Variants in ZNF609 observed in about 807,000 individuals in gnomAD.
ZNF609 encodes zinc finger protein 609.
ZNF609 carries 11 observed loss-of-function variants against 109.5 expected under a neutral mutation model. The observed-to-expected ratio is 0.10, with a 90% CI of 0.06 to 0.17. The LOEUF is 0.17. Among genes scored for constraint, ZNF609 ranks in the 10% least tolerant of loss-of-function variants. The probability of loss-of-function intolerance (pLI) is 1.00; values close to 1 mark genes in which losing one functional copy is unlikely to be tolerated. For synonymous variants in ZNF609, 646 were observed against 662.0 expected (o/e 0.98, Z 0.37); for missense variants, 1,559 against 1,772.4 (o/e 0.88, Z 2.16).
intron 3 of ZNF609, among the ~76,000 whole-genome samples, chr15:64,664,718 C>T (rs1372569794): frequency 6.6e-6 from 1 of 152,158 alleles, no homozygotes; most frequent in Non-Finnish European, 1.5e-5. Flanking sequence ...TTTAAACAAG[C>T]CTCCATTTTG....
At chr15:64,509,895 G>A (rs1893694131) in intron 2 of ZNF609, among the ~76,000 whole-genome samples, 1 of 152,228 alleles carries the variant, frequency 6.6e-6, no homozygotes, top group Non-Finnish European at 1.5e-5. Context: ...GAGGTAGCCA[G>A]AACAGTCAAG....
intron 2 of ZNF609, among the ~76,000 whole-genome samples, chr15:64,563,383 C>T (rs754325083): frequency 1.3e-5 from 2 of 149,616 alleles, no homozygotes; most frequent in Non-Finnish European, 3.0e-5. Context: ...CCCAGCAAAT[C>T]GAGGCTGCAG....
chr15:64,675,170 G>T lies in ZNF609; in HGVS notation c.2316G>T (p.Gly772=). The T allele has an allele frequency of 6.2e-7, 1 of 1,614,042 alleles. No homozygotes were observed. Among genetic ancestry groups the T allele is most frequent in the Non-Finnish European group, 8.5e-7 (1 of 1,180,004 alleles). Residue 772 remains glycine, a synonymous_variant, in exon 5 of 10, where the codon GGG becomes GGT. Coordinates refer to ENST00000326648, the MANE Select transcript of ZNF609 (RefSeq NM_015042.2). ...CAGGAGATGGGATGAAAATGGAGGG[G>T]CTCCTAAATGGCTCATCAGACCCCC... The part of the protein sequence containing the change: ...ESSGDGMKME[G]LLNGSSDPHQ...
intron 4 of ZNF609, among the ~76,000 whole-genome samples, chr15:64,672,967 A>C (rs1228622141): frequency 6.6e-6 from 1 of 151,878 alleles, no homozygotes; most frequent in East Asian, 1.9e-4. Context: ...CATCTCAAAA[A>C]AAAAAAAAAA....
chr15:64,681,228 TCAGCA>T, intron 8 of ZNF609, 76 bp from the exon 9 acceptor site: 1 of 1,330,638 alleles, frequency 7.5e-7, no homozygotes, highest in Admixed American at 1.9e-5. Context: ...TTTTTTTCTG[TCAGCA>T]CCCCAAAACT....
At chr15:64,602,235 C>G (rs768731133) in intron 2 of ZNF609, among the ~76,000 whole-genome samples, 3 of 152,104 alleles carry the variant, frequency 2.0e-5, no homozygotes, top group African/African-American at 4.8e-5. Context: ...AACTTCATTT[C>G]CCCTTGACTT....
intron 2 of ZNF609, among the ~76,000 whole-genome samples, chr15:64,566,670 A>T (rs1595720731): frequency 6.6e-6 from 1 of 152,200 alleles, no homozygotes; most frequent in Non-Finnish European, 1.5e-5. Context: ...TATAGAAGAG[A>T]TAGGGAAAGG....
chr15:64,592,923 CATAA>C (rs775886850), intron 2 of ZNF609: 5 of 796,112 alleles, frequency 6.3e-6, no homozygotes, highest in East Asian at 2.7e-5. Flanking sequence ...CAAAAAATTA[CATAA>C]ATAAATAAAA....
chr15:64,575,445 A>G (rs1206331663), intron 2 of ZNF609, among the ~76,000 whole-genome samples: 4 of 151,856 alleles, frequency 2.6e-5, no homozygotes, highest in African/African-American at 9.7e-5. Flanking sequence ...AGAAGAGGGG[A>G]AAACCAGAGG....
chr15:64,545,092 G>GT (rs1239075501), intron 2 of ZNF609, among the ~76,000 whole-genome samples: 1 of 152,212 alleles, frequency 6.6e-6, no homozygotes, highest in Non-Finnish European at 1.5e-5. Flanking sequence ...TGAAGCCGTT[G>GT]TGTCTCTCCT....
intron 2 of ZNF609, among the ~76,000 whole-genome samples, chr15:64,547,695 T>C (rs1894390027): frequency 6.6e-6 from 1 of 151,942 alleles, no homozygotes; most frequent in African/African-American, 2.4e-5. Flanking sequence ...TCCCCACCAG[T>C]GTACCAGGCA....
intron 2 of ZNF609, among the ~76,000 whole-genome samples, chr15:64,559,594 A>T (rs1014187917): frequency 1.4e-4 from 21 of 152,206 alleles, no homozygotes; most frequent in Non-Finnish European, 2.4e-4. Context: ...ATAATGACAT[A>T]GCCTTCTAGA....
chr15:64,625,261 T>C (rs549098232), intron 3 of ZNF609, among the ~76,000 whole-genome samples: 118 of 152,274 alleles, frequency 7.7e-4, no homozygotes, highest in African/African-American at 2.5e-3. Flanking sequence ...AGTAGTAGAC[T>C]GTCAAAAATA....
intron 2 of ZNF609, among the ~76,000 whole-genome samples, chr15:64,539,601 T>C (rs1369508998): frequency 1.3e-5 from 2 of 152,080 alleles, no homozygotes; most frequent in Admixed American, 6.6e-5. Context: ...ACTCCCCGGT[T>C]CAAGCGATTC....
Position 64,683,845 on chromosome 15 carries a change from A to G in ZNF609, c.*2159A>G, listed in dbSNP as rs1339477640. 2 of 152,208 alleles carry G rather than the reference A, an allele frequency of 1.3e-5. No individual in the cohort carries two copies. The highest frequency in any genetic ancestry group is 2.9e-5 in the Non-Finnish European group (2 of 68,036). 9.4% of individuals were successfully genotyped at this position (152,208 alleles called of 1,614,324 possible). A position where few individuals can be genotyped will look rare whatever the true frequency, so the allele number is the denominator to read the frequency against. ...ATATTGTAAAGAAACCGTTAGGAGT[A>G]ATTTTCTTTTGCATTGGGCAGGCAT... is the stretch of plus-strand genomic sequence containing the variant. On this transcript the variant is annotated 3_prime_UTR_variant, in exon 10 of 10. Coordinates refer to ENST00000326648, the MANE Select transcript of ZNF609 (RefSeq NM_015042.2).
chr15:64,531,446 C>T (rs1894059593), intron 2 of ZNF609, among the ~76,000 whole-genome samples: 1 of 152,156 alleles, frequency 6.6e-6, no homozygotes, highest in Admixed American at 6.5e-5. Flanking sequence ...ACCCAGGCTG[C>T]AGTGCAGTGG....
intron 2 of ZNF609, among the ~76,000 whole-genome samples, chr15:64,552,625 A>G (rs1488863977): frequency 6.6e-6 from 1 of 152,128 alleles, no homozygotes; most frequent in Non-Finnish European, 1.5e-5. Context: ...AAATGCTGGA[A>G]TTACATGCTT....
At chr15:64,538,533 G>C (rs938741921) in intron 2 of ZNF609, among the ~76,000 whole-genome samples, 3 of 151,880 alleles carry the variant, frequency 2.0e-5, no homozygotes, top group Non-Finnish European at 4.4e-5. Context: ...ATTTTTGTTT[G>C]GTTTTATTTA....
intron 3 of ZNF609, among the ~76,000 whole-genome samples, chr15:64,667,139 AAAAC>A (rs1896660158): frequency 6.6e-6 from 1 of 152,142 alleles, no homozygotes; most frequent in Admixed American, 6.5e-5. Context: ...TCAAAAAAAC[AAAAC>A]AAACAAAAAA....
Sources: gnomAD v4.1 joint callset for allele counts (sites outside exome capture counted in the v4.1 genomes callset) on GRCh38, gnomAD v4.1.1 for gene constraint, MANE v1.5 for transcripts, NCBI Gene and HGNC (gene_info 2026-07-23, HGNC 2026-07-21) for gene names.